Variants in MRPS28 observed in about 807,000 individuals in gnomAD.
MRPS28 encodes mitochondrial ribosomal protein S28.
MRPS28 carries 7 observed loss-of-function variants against 10.8 expected under a neutral mutation model. The observed-to-expected ratio is 0.65, with a 90% CI of 0.37 to 1.22. The LOEUF is 1.22. MRPS28 is among the 50% of genes most tolerant of loss of function. MRPS28 has a pLI of 0.02. For missense variants in MRPS28, 265 were observed against 232.9 expected (o/e 1.14, Z -0.90); for synonymous variants, 121 against 93.3 (o/e 1.30, Z -1.71).
chr8:79,974,450 A>G (rs889552070), intron 2 of MRPS28, among the ~76,000 whole-genome samples: 1 of 151,950 alleles, frequency 6.6e-6, no homozygotes, highest in African/African-American at 2.4e-5. Context: ...TGAGGCAAGG[A>G]GAATGGCGTG....
intron 2 of MRPS28, among the ~76,000 whole-genome samples, chr8:79,993,453 ACAAAT>A (rs1410573872): frequency 2.0e-5 from 3 of 152,312 alleles, no homozygotes; most frequent in Admixed American, 1.3e-4. Flanking sequence ...ATCCAATACA[ACAAAT>A]CAATCCAAAA....
In MRPS28 at chr8:80,007,989, A is replaced by G. The variant is rs190358222; in HGVS notation, c.214-4809T>C. 3.0e-3 allele frequency among the ~76,000 whole-genome samples: 464 copies of G among 152,352 alleles called. 4 individuals are homozygous for G. The highest frequency in any genetic ancestry group is 6.8e-3 in the Middle Eastern group (2 of 294). Reference sequence around the variant, plus strand: ...AGTCAATCCTAAGCCAAAAGAACAAAGCTAGAGGCATCAAGCTACCTGACT... The same window carrying G: ...AGTCAATCCTAAGCCAAAAGAACAAGGCTAGAGGCATCAAGCTACCTGACT... On this transcript the variant is annotated intron_variant, in intron 1 of 2. Coordinates refer to ENST00000276585, the MANE Select transcript of MRPS28 (RefSeq NM_014018.3).
intron 1 of MRPS28, among the ~76,000 whole-genome samples, chr8:80,022,029 G>A (rs1390046459): frequency 6.6e-6 from 1 of 152,134 alleles, no homozygotes; most frequent in Non-Finnish European, 1.5e-5. Context: ...CAGTCAAAAT[G>A]CAGAACAAGT....
chr8:79,931,387 GCA>G (rs1458528267), intron 2 of MRPS28, among the ~76,000 whole-genome samples: 1 of 152,160 alleles, frequency 6.6e-6, no homozygotes, highest in Non-Finnish European at 1.5e-5. Context: ...GCAGAATTCT[GCA>G]CAGAGAGCAT....
At chr8:79,933,065 C>CT (rs1806507908) in intron 2 of MRPS28, among the ~76,000 whole-genome samples, 1 of 152,118 alleles carries the variant, frequency 6.6e-6, no homozygotes, top group African/African-American at 2.4e-5. Context: ...GAAGCAAGAC[C>CT]TTTTTTATTT....
chr8:80,030,109 G>T lies in MRPS28; in HGVS notation c.140C>A (p.Thr47Lys). 1 of 1,611,986 alleles carries T rather than the reference G, an allele frequency of 6.2e-7. No homozygotes were observed. The highest frequency in any genetic ancestry group is 8.5e-7 in the Non-Finnish European group (1 of 1,179,950). ...SGSSNAKEPK[T>K]RAGGFASALE... Reference sequence around the variant, plus strand: ...CGCGCTCGCGAAACCGCCTGCGCGCGTCTTAGGCTCCTTGGCATTGGAACT... The same window carrying T: ...CGCGCTCGCGAAACCGCCTGCGCGCTTCTTAGGCTCCTTGGCATTGGAACT... The change falls in exon 1 of 3, where the codon ACG becomes AAG. Residue 47 changes from threonine (T) to lysine (K), a missense_variant. By Grantham distance (78) the Thr-to-Lys change is moderately conservative. Coordinates refer to ENST00000276585, the MANE Select transcript of MRPS28 (RefSeq NM_014018.3).
At chr8:79,953,888 G>A (rs185090062) in intron 2 of MRPS28, among the ~76,000 whole-genome samples, 1 of 152,172 alleles carries the variant, frequency 6.6e-6, no homozygotes, top group Non-Finnish European at 1.5e-5. Flanking sequence ...AAATTTTTCT[G>A]TGTGTATGCA....
At chr8:79,993,410 T>G (rs1396251221) in intron 2 of MRPS28, among the ~76,000 whole-genome samples, 2 of 152,166 alleles carry the variant, frequency 1.3e-5, no homozygotes, top group Non-Finnish European at 2.9e-5. Flanking sequence ...CCATTTTGCA[T>G]GTCAATTAAA....
At chr8:79,979,376 T>A (rs1240987140) in intron 2 of MRPS28, among the ~76,000 whole-genome samples, 2 of 152,160 alleles carry the variant, frequency 1.3e-5, no homozygotes, top group Non-Finnish European at 2.9e-5. Flanking sequence ...TAAACACTGA[T>A]TTTCAGAGCC....
chr8:79,966,240 G>GTT (rs1036498414), intron 2 of MRPS28, among the ~76,000 whole-genome samples: 1 of 151,976 alleles, frequency 6.6e-6, no homozygotes, highest in Non-Finnish European at 1.5e-5. Context: ...GAGTGAGCTT[G>GTT]TTTTAACATT....
chr8:79,983,318 T>TG (rs1808032679), intron 2 of MRPS28, among the ~76,000 whole-genome samples: 1 of 151,510 alleles, frequency 6.6e-6, no homozygotes, highest in Admixed American at 6.6e-5. Context: ...ACCACAAAGA[T>TG]GGGGAAAAAA....
intron 2 of MRPS28, among the ~76,000 whole-genome samples, chr8:79,950,414 A>G (rs1414182668): frequency 6.6e-6 from 1 of 152,212 alleles, no homozygotes; most frequent in Non-Finnish European, 1.5e-5. Flanking sequence ...TTCATTAAAT[A>G]TTTATTAATT....
At chr8:80,009,292 G>C (rs1158421609) in intron 1 of MRPS28, among the ~76,000 whole-genome samples, 1 of 151,984 alleles carries the variant, frequency 6.6e-6, no homozygotes, top group Non-Finnish European at 1.5e-5. Flanking sequence ...GGGGGCAGAG[G>C]GGAGGGATAG....
chr8:80,018,362 T>C (rs1342366366), intron 1 of MRPS28, among the ~76,000 whole-genome samples: 2 of 140,902 alleles, frequency 1.4e-5, no homozygotes, highest in Non-Finnish European at 3.1e-5. Flanking sequence ...GACATACAAA[T>C]GGCAAACAGG....
rs1554575890 is a variant in MRPS28, at chr8:80,028,648, G to GCGGGGGGGCGGGGGGGGGGGGGC, written c.213+1387_213+1388insGCCCCCCCCCCCCCGCCCCCCCG. The GCGGGGGGGCGGGGGGGGGGGGGC allele has an allele frequency of 1.5e-4, 15 of 98,200 alleles. 2 individuals are homozygous for GCGGGGGGGCGGGGGGGGGGGGGC. The highest frequency in any genetic ancestry group is 6.8e-4 in the African/African-American group (15 of 22,178). 6.1% of individuals were successfully genotyped at this position (98,200 alleles called of 1,614,324 possible). The stretch of plus-strand genomic sequence containing the variant: ...CAGGGATCTCAAAAGCAGAAGACGG[G>GCGGGGGGGCGGGGGGGGGGGGGC]CGGGGGGGGCGGGGCCGGGCGGGGT... On this transcript the variant is annotated intron_variant, in intron 1 of 2. Transcript: ENST00000276585.
chr8:79,950,477 T>C (rs918328406), intron 2 of MRPS28, among the ~76,000 whole-genome samples: 1 of 152,180 alleles, frequency 6.6e-6, no homozygotes, highest in African/African-American at 2.4e-5. Context: ...AAGCCTTTGT[T>C]GAGAAAGGCT....
At chr8:80,021,662 C>T (rs1442529466) in intron 1 of MRPS28, among the ~76,000 whole-genome samples, 1 of 152,150 alleles carries the variant, frequency 6.6e-6, no homozygotes, top group Non-Finnish European at 1.5e-5. Context: ...TGCATTGCTT[C>T]TAACAACAAA....
At chr8:80,028,720 T>G (rs1235134974) in intron 1 of MRPS28, 1 of 138,094 alleles carries the variant, frequency 7.2e-6, no homozygotes, top group African/African-American at 2.7e-5. Context: ...TCCCAGCACT[T>G]TGGGAGGCCA....
At chr8:79,976,763 G>GT (rs1165142701) in intron 2 of MRPS28, among the ~76,000 whole-genome samples, 14 of 152,072 alleles carry the variant, frequency 9.2e-5, no homozygotes, top group African/African-American at 3.1e-4. Context: ...GGTGATAATT[G>GT]TTTTTTTCCT....
Sources: gnomAD v4.1 joint callset for allele counts (sites outside exome capture counted in the v4.1 genomes callset) on GRCh38, gnomAD v4.1.1 for gene constraint, MANE v1.5 for transcripts, NCBI Gene and HGNC (gene_info 2026-07-23, HGNC 2026-07-21) for gene names.